Variants in MAST4 observed in about 807,000 individuals in gnomAD.
The protein encoded by MAST4 is microtubule associated serine/threonine kinase family member 4, also known as microtubule-associated serine/threonine-protein kinase 4.
Under a neutral mutation model 162.7 loss-of-function variants are expected in MAST4, and 89 were observed. The observed-to-expected ratio is 0.55, with a 90% CI of 0.46 to 0.65. The LOEUF (loss-of-function observed/expected upper bound fraction) is 0.65. MAST4 is among the 30% of genes least tolerant of loss of function. MAST4 has a pLI of 0.00. For missense variants in MAST4, 3,153 were observed against 3,374.0 expected (o/e 0.93, Z 1.62); for synonymous variants, 1,479 against 1,361.1 (o/e 1.09, Z -1.91).
At chr5:66,830,057 T>G (rs1757500260) in intron 3 of MAST4, among the ~76,000 whole-genome samples, 1 of 152,178 alleles carries the variant, frequency 6.6e-6, no homozygotes, top group African/African-American at 2.4e-5. Flanking sequence ...CTCTATAAAG[T>G]TCTGGTAATG....
intron 1 of MAST4, among the ~76,000 whole-genome samples, chr5:66,622,124 T>C (rs1744115060): frequency 6.6e-6 from 1 of 150,976 alleles, no homozygotes; most frequent in South Asian, 2.1e-4. Flanking sequence ...AGTGCTGGGG[T>C]GTGGGGTGAG....
rs1443948897 is a variant in MAST4, at chr5:66,624,672, G to A, written c.363+27654G>A. Among the ~76,000 whole-genome samples the A allele has an allele frequency of 2.0e-5, 3 of 152,152 alleles. 1 individual carries two copies. Among genetic ancestry groups the A allele is most frequent in the Non-Finnish European group, 4.4e-5 (3 of 68,032 alleles). The stretch of plus-strand genomic sequence containing the variant: ...TTACAACGCTATAGTAATCACAACA[G>A]CATGGTACTGCTATAAAAGCAGATA... On this transcript the variant is annotated intron_variant, in intron 1 of 28. Transcript: ENST00000403625.
In MAST4 at chr5:66,884,605, G is replaced by A. The variant is rs1445975; in HGVS notation, c.643-15346G>A. Among the ~76,000 whole-genome samples, 1,187 of 152,286 alleles carry A rather than the reference G, an allele frequency of 7.8e-3. 22 individuals are homozygous for A. Among genetic ancestry groups the A allele is most frequent in the African/African-American group, 0.026 (1,094 of 41,542 alleles). ...GCGTTATTGCTTAGATCTCCTCATT[G>A]TAAGTGTTAATGTTGTAATACTCTG... On this transcript the variant is annotated intron_variant, in intron 3 of 28. Coordinates refer to ENST00000403625, the MANE Select transcript of MAST4 (RefSeq NM_001164664.2).
At position 67,168,827 on chromosome 5, in the gene MAST4, A is replaced by G. The variant is rs1774323419; in HGVS notation, c.*1776A>G. ...AGGCTATAAACTCCACTCTGAAAAC[A>G]AAGGCATAACTTAACCGACTGCTCA... is the stretch of plus-strand genomic sequence containing the variant. On this transcript the variant is annotated 3_prime_UTR_variant, in exon 29 of 29. Transcript: ENST00000403625. 1 of 152,190 alleles carries G rather than the reference A, an allele frequency of 6.6e-6. No homozygotes were observed. Among genetic ancestry groups the G allele is most frequent in the Non-Finnish European group, 1.5e-5 (1 of 68,034 alleles). 9.4% of individuals were successfully genotyped at this position (152,190 alleles called of 1,614,324 possible).
intron 1 of MAST4, among the ~76,000 whole-genome samples, chr5:66,752,376 C>T (rs1394328768): frequency 2.0e-5 from 3 of 149,562 alleles, no homozygotes; most frequent in Non-Finnish European, 4.4e-5. Flanking sequence ...CCAGACCCAT[C>T]AGTGGGCTGT....
chr5:67,096,189 A>G (rs1213706780), intron 7 of MAST4, among the ~76,000 whole-genome samples: 1 of 152,208 alleles, frequency 6.6e-6, no homozygotes, highest in Non-Finnish European at 1.5e-5. Flanking sequence ...AACTTAGAAG[A>G]AGGTTAAGAT....
At chr5:66,993,736 G>A (rs1263075678) in intron 4 of MAST4, among the ~76,000 whole-genome samples, 2 of 152,106 alleles carry the variant, frequency 1.3e-5, no homozygotes, top group Non-Finnish European at 2.9e-5. Context: ...ACAACAGAGG[G>A]CACTTGTTAA....
In MAST4 at chr5:66,881,356, A is replaced by G. The variant is rs143414785; in HGVS notation, c.643-18595A>G. Among the ~76,000 whole-genome samples, 248 of 152,328 alleles carry G rather than the reference A, an allele frequency of 1.6e-3. 2 individuals are homozygous for G. Among genetic ancestry groups the G allele is most frequent in the African/African-American group, 5.6e-3 (231 of 41,578 alleles). On this transcript the variant is annotated intron_variant, in intron 3 of 28. Transcript: ENST00000403625. ...GATCATACTCATTATGGCTATTAAG[A>G]TTTCAGCTGCTGGAATTTCTATGTT...
At chr5:66,836,108 C>T (rs12521879) in intron 3 of MAST4, among the ~76,000 whole-genome samples, 38,196 of 151,752 alleles carry the variant, frequency 0.25, 5,403 homozygotes, top group Non-Finnish European at 0.31. Flanking sequence ...GAGGTTGAAG[C>T]TGCAGTGAGC....
chr5:66,597,802 G>T (rs1461881024), intron 1 of MAST4, among the ~76,000 whole-genome samples: 2 of 152,272 alleles, frequency 1.3e-5, no homozygotes, highest in East Asian at 3.9e-4. Flanking sequence ...ATAGGACTCT[G>T]GTGTCCTTCT....
rs539387137 is a variant in MAST4 at position 66,682,376 on chromosome 5, C to T, written c.364-77333C>T. ...AGAACAGTGTGAGGAATCGCCTAGA[C>T]GTTAAATGTTTTCACACATGAAAGG... On this transcript the variant is annotated intron_variant, in intron 1 of 28. Transcript: ENST00000403625. Among the ~76,000 whole-genome samples, 19 of 152,302 alleles carry T rather than the reference C, an allele frequency of 1.2e-4. 1 individual carries two copies. The highest frequency in any genetic ancestry group is 1.2e-3 in the South Asian group (6 of 4,828).
At chr5:66,907,587 CGTGTGTGTGT>C (rs59273615) in intron 4 of MAST4, among the ~76,000 whole-genome samples, 42,915 of 144,124 alleles carry the variant, frequency 0.3, 7,016 homozygotes, top group Non-Finnish European at 0.39. Flanking sequence ...TAGGTTGATG[CGTGTGTGTGT>C]GTGTGTGTGT....
At chr5:66,721,835 C>G (rs946136822) in intron 1 of MAST4, among the ~76,000 whole-genome samples, 3 of 151,830 alleles carry the variant, frequency 2.0e-5, no homozygotes, top group Non-Finnish European at 4.4e-5. Context: ...ATGCCTGCTT[C>G]ATCTTGCTAG....
chr5:66,829,920 A>G (rs1406329781), intron 3 of MAST4, among the ~76,000 whole-genome samples: 1 of 152,178 alleles, frequency 6.6e-6, no homozygotes, highest in East Asian at 1.9e-4. Flanking sequence ...TTGGGGTTAC[A>G]TACCATCTAT....
chr5:67,062,253 C>A (rs1267611976), intron 5 of MAST4, among the ~76,000 whole-genome samples: 4 of 152,120 alleles, frequency 2.6e-5, no homozygotes, highest in Non-Finnish European at 5.9e-5. Flanking sequence ...CAAAAATTAG[C>A]CGGGCGTGGT....
chr5:66,632,393 A>G (rs1744844495), intron 1 of MAST4, among the ~76,000 whole-genome samples: 1 of 152,160 alleles, frequency 6.6e-6, no homozygotes, highest in Non-Finnish European at 1.5e-5. Flanking sequence ...GGGGCTTTGG[A>G]GAAGTTATTA....
intron 4 of MAST4, among the ~76,000 whole-genome samples, chr5:66,984,297 C>T (rs1287829310): frequency 6.6e-6 from 1 of 152,130 alleles, no homozygotes; most frequent in Non-Finnish European, 1.5e-5. Flanking sequence ...AGTAAAGAGG[C>T]CACCCAGGGC....
intron 3 of MAST4, among the ~76,000 whole-genome samples, chr5:66,853,274 T>A (rs1759445237): frequency 6.6e-6 from 1 of 152,184 alleles, no homozygotes; most frequent in Non-Finnish European, 1.5e-5. Context: ...AGTCATAGGT[T>A]TAATAGGTCC....
In MAST4 at chr5:67,164,801, T is replaced by C; in HGVS notation, c.5622T>C (p.Pro1874=). 1 of 1,613,972 alleles carries C rather than the reference T, an allele frequency of 6.2e-7. No individual in the cohort carries two copies. Among genetic ancestry groups the C allele is most frequent in the Non-Finnish European group, 8.5e-7 (1 of 1,179,890 alleles). Residue 1874 remains proline (P), a synonymous_variant, in exon 29 of 29, where the codon CCT becomes CCC. Transcript: ENST00000403625. This position sits in a 1 kb window ranked among gnomAD's most constrained non-coding sequence, Gnocchi z 5.3. ...TGAATAAATCCTACCTGCTGGAGCC[T>C]TGGTTCCTGCCCCCCAGCCGAGGTC... ...LKMNKSYLLE[P]WFLPPSRGLQ...
Sources: allele counts gnomAD v4.1 joint callset (sites outside exome capture counted in the v4.1 genomes callset), GRCh38; gene constraint gnomAD v4.1.1; non-coding constraint Gnocchi (gnomAD v3.1); transcripts MANE v1.5; gene names NCBI Gene and HGNC (gene_info 2026-07-23, HGNC 2026-07-21).